The following DPY19L4 variants were observed in gnomAD, a reference collection of about 807,000 sequenced individuals.
The protein encoded by DPY19L4 is dpy-19 like 4.
Under a neutral mutation model 102.8 loss-of-function variants are expected in DPY19L4, and 97 were observed. That is an observed-to-expected ratio of 0.94 (90% CI 0.80 to 1.12). DPY19L4 has a LOEUF of 1.12. DPY19L4 is among the 50% of genes most tolerant of loss of function. The pLI is 0.00. For missense variants in DPY19L4, 815 were observed against 850.4 expected (o/e 0.96, Z 0.52); for synonymous variants, 252 against 283.1 (o/e 0.89, Z 1.10).
At chr8:94,771,760 T>C (rs1458026862) in intron 13 of DPY19L4, among the ~76,000 whole-genome samples, 3 of 152,168 alleles carry the variant, frequency 2.0e-5, no homozygotes, top group Non-Finnish European at 4.4e-5. Flanking sequence ...AGGAGTTCAG[T>C]CTGGCTGAAA....
In DPY19L4 at chr8:94,756,120, T is replaced by C; in HGVS notation, c.696T>C (p.Leu232=). 1 of 1,613,898 alleles carries C rather than the reference T, an allele frequency of 6.2e-7. No homozygotes were observed. The highest frequency in any genetic ancestry group is 8.5e-7 in the Non-Finnish European group (1 of 1,179,918). ...LPYFACQIAA[L]TGYLKSNLNT... ...ATTTTGCATGCCAAATTGCTGCACT[T>C]ACAGGCTATTTAAAAAGCAACTTAA... The change falls in exon 7 of 19, where the codon CTT becomes CTC. Residue 232 remains leucine, a synonymous_variant. Coordinates refer to ENST00000414645, the MANE Select transcript of DPY19L4 (RefSeq NM_181787.3).
intron 2 of DPY19L4, among the ~76,000 whole-genome samples, chr8:94,733,118 CTTT>C (rs34879619): frequency 1.3e-5 from 1 of 76,326 alleles, no homozygotes; most frequent in Non-Finnish European, 2.3e-5. Context: ...TCATCTTAAC[CTTT>C]TTTTTTTTTT....
At chr8:94,773,085 G>A (rs1015786500) in intron 13 of DPY19L4, among the ~76,000 whole-genome samples, 6 of 151,850 alleles carry the variant, frequency 4.0e-5, no homozygotes, top group Non-Finnish European at 8.8e-5. Context: ...GTGGTGGCAG[G>A]CACCTGTAAT....
chr8:94,726,554 CT>C, intron 2 of DPY19L4, 113 bp downstream of exon 2: 1 of 838,478 alleles, frequency 1.2e-6, no homozygotes, highest in South Asian at 2.3e-5. Context: ...ATATGCTCAG[CT>C]TTCACTAGGT....
intron 14 of DPY19L4, 114 bp from the exon 15 acceptor site, chr8:94,780,245 T>G: frequency 5.2e-6 from 4 of 772,002 alleles, no homozygotes; most frequent in Non-Finnish European, 7.3e-6. Context: ...TCATTTTTTT[T>G]GAAATTTGTA....
intron 2 of DPY19L4, among the ~76,000 whole-genome samples, chr8:94,734,061 CTTT>C (rs55957128): frequency 7.5e-5 from 10 of 133,216 alleles, no homozygotes; most frequent in Non-Finnish European, 1.3e-4. Flanking sequence ...TACCTAATGT[CTTT>C]TTTTTTTTTT....
At chr8:94,730,677 A>G (rs1435852284) in intron 2 of DPY19L4, among the ~76,000 whole-genome samples, 2 of 149,342 alleles carry the variant, frequency 1.3e-5, no homozygotes, top group Admixed American at 6.7e-5. Flanking sequence ...CCCAGGAGGC[A>G]GAGGTTGCAG....
At chr8:94,764,878 G>C (rs567337859) in intron 8 of DPY19L4, among the ~76,000 whole-genome samples, 1 of 149,916 alleles carries the variant, frequency 6.7e-6, no homozygotes, top group East Asian at 2.0e-4. Context: ...ACAGGTTCCT[G>C]CCACCATGCC....
At chr8:94,766,784 T>A in intron 11 of DPY19L4, 99 bp downstream of exon 11, 1 of 1,126,730 alleles carries the variant, frequency 8.9e-7, no homozygotes, top group Non-Finnish European at 1.3e-6. Flanking sequence ...ACATCTGTAA[T>A]CCCAGCACTT....
At chr8:94,774,511 A>G (rs965361542) in intron 13 of DPY19L4, among the ~76,000 whole-genome samples, 3 of 152,082 alleles carry the variant, frequency 2.0e-5, no homozygotes, top group Admixed American at 1.3e-4. Context: ...CTGTGTATCA[A>G]TGAACAACTC....
chr8:94,746,102 C>T (rs1244215259), intron 6 of DPY19L4, among the ~76,000 whole-genome samples: 2 of 120,478 alleles, frequency 1.7e-5, no homozygotes, highest in Non-Finnish European at 3.3e-5. Flanking sequence ...GTCTCTGTTG[C>T]CCAGGCTAAA....
At chr8:94,728,479 A>G (rs916679711) in intron 2 of DPY19L4, among the ~76,000 whole-genome samples, 3 of 152,166 alleles carry the variant, frequency 2.0e-5, no homozygotes, top group Non-Finnish European at 4.4e-5. Flanking sequence ...AGAATGTGTC[A>G]TCCTTAAGGG....
intron 17 of DPY19L4, 28 bp downstream of exon 17, chr8:94,783,830 A>G: frequency 6.2e-7 from 1 of 1,612,160 alleles, no homozygotes; most frequent in Non-Finnish European, 8.5e-7. Flanking sequence ...CTACATTTGG[A>G]TCTCTTTTCC....
At chr8:94,766,273 G>C (rs1190283123) in intron 10 of DPY19L4, among the ~76,000 whole-genome samples, 1 of 152,182 alleles carries the variant, frequency 6.6e-6, no homozygotes, top group African/African-American at 2.4e-5. Context: ...TACTTGGGAG[G>C]CTGAGGCAGG....
intron 13 of DPY19L4, among the ~76,000 whole-genome samples, chr8:94,776,993 A>G (rs1412991480): frequency 6.7e-6 from 1 of 150,340 alleles, no homozygotes; most frequent in Non-Finnish European, 1.5e-5. Context: ...TTGTATGTCT[A>G]TCTTTATACT....
At chr8:94,743,331 A>G (rs561755966) in intron 6 of DPY19L4, among the ~76,000 whole-genome samples, 22 of 152,212 alleles carry the variant, frequency 1.4e-4, no homozygotes, top group African/African-American at 5.1e-4. Flanking sequence ...TGTCTAGCCA[A>G]TTCTTGTATT....
chr8:94,789,351 GTTTCCT>G (rs1235350751), intron 18 of DPY19L4, among the ~76,000 whole-genome samples: 1 of 152,148 alleles, frequency 6.6e-6, no homozygotes, highest in East Asian at 1.9e-4. Context: ...AGTCACGAAA[GTTTCCT>G]TGCTTACTAA....
chr8:94,751,182 G>A (rs1202456217), intron 6 of DPY19L4, among the ~76,000 whole-genome samples: 1 of 146,266 alleles, frequency 6.8e-6, no homozygotes, highest in African/African-American at 2.5e-5. Context: ...GCAGTGGCGT[G>A]ATCTCGGCTC....
chr8:94,788,042 C>A lies in DPY19L4; in HGVS notation c.1997C>A (p.Ala666Glu), dbSNP rs781019229. The A allele has an allele frequency of 5.7e-5, 82 of 1,451,158 alleles. No individual in the cohort carries two copies. Among genetic ancestry groups the A allele is most frequent in the Admixed American group, 1.2e-4 (5 of 41,222 alleles). The allele number at this position is 1,451,158 out of a possible 1,614,324, so 89.9% of individuals were successfully genotyped here. The stretch of plus-strand genomic sequence containing the variant: ...AGGGTTAAAGATTTATTAGACATTG[C>A]AAATGGCCACGTAAGTAACCATTTG... ...GCRVKDLLDI[A>E]NGHMVCEEGD... is the part of the protein sequence containing the mutation. The change falls in exon 18 of 19, where the codon GCA (alanine) becomes GAA (glutamate). Residue 666 changes from alanine (A) to glutamate (E), a missense_variant. By Grantham distance (107) the Ala-to-Glu change is moderately radical (BLOSUM62 -1). Coordinates refer to ENST00000414645, the MANE Select transcript of DPY19L4 (RefSeq NM_181787.3).
Sources: gnomAD v4.1 joint callset for allele counts (sites outside exome capture counted in the v4.1 genomes callset) on GRCh38, gnomAD v4.1.1 for gene constraint, MANE v1.5 for transcripts, NCBI Gene and HGNC (gene_info 2026-07-23, HGNC 2026-07-21) for gene names.